DGKK: variants seen among roughly 807,000 people sequenced by gnomAD.
The protein encoded by DGKK is diacylglycerol kinase kappa.
DGKK carries 35 observed loss-of-function variants against 92.2 expected under a neutral mutation model. The ratio of observed to expected loss-of-function variants is 0.38; its 90% CI spans 0.29 to 0.50. DGKK has a LOEUF of 0.50. Ranked by LOEUF, DGKK falls within the 20% of genes least tolerant of loss-of-function variation. The pLI, the probability that DGKK is intolerant of heterozygous loss-of-function variation, is 0.92. For synonymous variants in DGKK, 368 were observed against 360.6 expected, an observed-to-expected ratio of 1.02 and a Z score of -0.23; for missense variants, 910 against 992.2, an observed-to-expected ratio of 0.92 and a Z score of 1.11.
intron 1 of DGKK, among the ~76,000 whole-genome samples, chrX:50,428,692 C>T (rs137984061): frequency 0.015 from 1,635 of 111,702 alleles, 27 homozygotes; most frequent in African/African-American, 0.051. Flanking sequence ...AAGTTCTAAA[C>T]AGAGGCTTTG....
chrX:50,425,542 TACACAC>T (rs782565110), intron 1 of DGKK, among the ~76,000 whole-genome samples: 2 of 104,291 alleles, frequency 1.9e-5, no homozygotes, highest in Non-Finnish European at 3.9e-5. Flanking sequence ...CACACACACA[TACACAC>T]ACACACACAC....
Position 50,421,956 on chromosome X carries a change from A to G in DGKK, c.837+490T>C, listed in dbSNP as rs781903905. Among the ~76,000 whole-genome samples the G allele has an allele frequency of 5.4e-5, 6 of 111,815 alleles. No homozygotes were observed. In the South Asian group the frequency reaches 2.3e-3, roughly 42 times the overall value. On this transcript the variant is annotated intron_variant, in intron 3 of 27. Transcript: ENST00000611977. ...ACTTGAATGACCAAAGCCATGTGACATTTCAGTCACACAAAGCCCTAGACA... is the reference window on the plus strand; with the variant it reads ...ACTTGAATGACCAAAGCCATGTGACGTTTCAGTCACACAAAGCCCTAGACA...
intron 11 of DGKK, 86 bp downstream of exon 11, chrX:50,391,351 A>C: frequency 1.8e-6 from 2 of 1,109,728 alleles, no homozygotes; most frequent in Non-Finnish European, 2.4e-6. Flanking sequence ...TCTATCAATC[A>C]GAGAGGTTAA....
intron 8 of DGKK, among the ~76,000 whole-genome samples, chrX:50,398,680 T>A (rs951893651): frequency 7.1e-5 from 8 of 111,977 alleles, no homozygotes; most frequent in African/African-American, 2.6e-4. Context: ...AAATAAATTT[T>A]AAAAACACCA....
rs782090097 is a variant in DGKK at position 50,384,837 on chromosome X, G to T, written c.2348-13C>A. On this transcript the variant is annotated splice_polypyrimidine_tract_variant and intron_variant, in intron 15 of 27. Transcript: ENST00000611977. Reference sequence around the variant, plus strand: ...TCCTCATCCAGAGCTATAGAGAAAAGTGGGAGGAAGGAAAGCAAAAAAGAA... The same window carrying T: ...TCCTCATCCAGAGCTATAGAGAAAATTGGGAGGAAGGAAAGCAAAAAAGAA... The T allele has an allele frequency of 8.6e-7, 1 of 1,165,465 alleles. No homozygotes were observed. Among genetic ancestry groups the T allele is most frequent in the South Asian group, 1.9e-5 (1 of 52,736 alleles).
At chrX:50,450,111 T>A (rs1333447088) in intron 1 of DGKK, among the ~76,000 whole-genome samples, 1 of 111,553 alleles carries the variant, frequency 9.0e-6, no homozygotes, top group Non-Finnish European at 1.9e-5. Context: ...CACTAGATAT[T>A]TTTCATACTT....
At chrX:50,372,122 G>T (rs1557223296) in intron 25 of DGKK, among the ~76,000 whole-genome samples, 1 of 112,005 alleles carries the variant, frequency 8.9e-6, no homozygotes, top group African/African-American at 3.2e-5. Flanking sequence ...TAGGGTTGAG[G>T]ACAAGGGTCC....
chrX:50,377,605 T>A (rs1924306289), intron 22 of DGKK, among the ~76,000 whole-genome samples: 1 of 112,368 alleles, frequency 8.9e-6, no homozygotes, highest in African/African-American at 3.2e-5. Context: ...CAATAATAGC[T>A]CCTTTATAAG....
At chrX:50,371,115 G>C (rs1431302720) in intron 26 of DGKK, among the ~76,000 whole-genome samples, 1 of 112,784 alleles carries the variant, frequency 8.9e-6, no homozygotes, top group African/African-American at 3.2e-5. Flanking sequence ...GCTCTCTGCT[G>C]TGCAGATCAT....
At chrX:50,437,170 C>T (rs1239932917) in intron 1 of DGKK, among the ~76,000 whole-genome samples, 3 of 111,568 alleles carry the variant, frequency 2.7e-5, no homozygotes, top group Non-Finnish European at 3.8e-5. Context: ...AGTATTGCCT[C>T]CCCTCCCAGG....
At chrX:50,425,730 G>C (rs916802721) in intron 1 of DGKK, among the ~76,000 whole-genome samples, 7 of 111,704 alleles carry the variant, frequency 6.3e-5, no homozygotes, top group Admixed American at 3.8e-4. Flanking sequence ...ACACCCTTGG[G>C]ATGCAAAAGA....
rs1291898289 is a variant in DGKK, at chrX:50,470,681, C to A, written c.-3G>T. The A allele has an allele frequency of 9.1e-7, 1 of 1,100,360 alleles. No homozygotes were observed. The highest frequency in any genetic ancestry group is 3.5e-5 in the Admixed American group (1 of 28,442). The allele number at this position is 1,100,360 out of a possible 1,213,427, so 90.7% of individuals were successfully genotyped here. On this transcript the variant is annotated 5_prime_UTR_variant, in exon 1 of 28. Transcript: ENST00000611977. The stretch of plus-strand genomic sequence containing the variant: ...GCTGCGGCAGCTCCGCGGTCCATGG[C>A]CGCACACCGCTTCAGGTCTGGGCAG...
At chrX:50,441,309 A>G (rs1298446823) in intron 1 of DGKK, among the ~76,000 whole-genome samples, 1 of 111,705 alleles carries the variant, frequency 9.0e-6, no homozygotes, top group Non-Finnish European at 1.9e-5. Context: ...ATCGTGGTTT[A>G]CTAATTGATT....
At chrX:50,450,845 G>A (rs1398359858) in intron 1 of DGKK, among the ~76,000 whole-genome samples, 1 of 111,779 alleles carries the variant, frequency 8.9e-6, no homozygotes, top group African/African-American at 3.3e-5. Flanking sequence ...TGGAGACCTT[G>A]TCAGGGTAGC....
intron 5 of DGKK, 144 bp downstream of exon 5, chrX:50,403,905 C>T: frequency 1.4e-6 from 1 of 706,610 alleles, no homozygotes; most frequent in Non-Finnish European, 2.0e-6. Flanking sequence ...TGTTAGTTTC[C>T]TCCCTTTTTC....
chrX:50,379,653 A>T lies in DGKK; in HGVS notation c.2836T>A (p.Phe946Ile). The T allele has an allele frequency of 8.3e-7, 1 of 1,211,093 alleles. No individual in the cohort carries two copies. Among genetic ancestry groups the T allele is most frequent in the Non-Finnish European group, 1.1e-6 (1 of 895,066 alleles). Residue 946 changes from phenylalanine to isoleucine, a missense_variant, in exon 20 of 28, where the codon TTC becomes ATC. Coordinates refer to ENST00000611977, the MANE Select transcript of DGKK (RefSeq NM_001013742.4). ...GTGGTTGCTGTGTTGCTTCCCCAGA[A>T]GTTGATACCTCCAGCATAGCTGGTA... ...NITSYAGGIN[F>I]WGSNTATTEY... is the part of the protein sequence containing the mutation.
At chrX:50,448,713 G>T (rs1394793026) in intron 1 of DGKK, among the ~76,000 whole-genome samples, 2 of 111,319 alleles carry the variant, frequency 1.8e-5, no homozygotes, top group Non-Finnish European at 3.8e-5. Context: ...CTTAATAGTG[G>T]TGACTCAGAA....
At chrX:50,404,592 T>A (rs782378611) in intron 4 of DGKK, among the ~76,000 whole-genome samples, 10 of 109,270 alleles carry the variant, frequency 9.2e-5, no homozygotes, top group Admixed American at 2.9e-4. Flanking sequence ...ACTACAGGCA[T>A]GCACCACCAC....
chrX:50,397,644 TACAAC>T (rs1327521101), intron 8 of DGKK, among the ~76,000 whole-genome samples: 3 of 112,407 alleles, frequency 2.7e-5, no homozygotes, highest in Non-Finnish European at 5.6e-5. Flanking sequence ...ATGCTTCTGA[TACAAC>T]AACCACTGCA....
Sources: gnomAD v4.1 joint callset for allele counts (sites outside exome capture counted in the v4.1 genomes callset) on GRCh38, gnomAD v4.1.1 for gene constraint, MANE v1.5 for transcripts, NCBI Gene and HGNC (gene_info 2026-07-23, HGNC 2026-07-21) for gene names.